The following ALCAM variants were observed in gnomAD, a reference collection of about 807,000 sequenced individuals.
ALCAM encodes the protein activated leukocyte cell adhesion molecule.
ALCAM carries 30 observed loss-of-function variants against 70.9 expected under a neutral mutation model. The observed-to-expected ratio is 0.42, with a 90% CI of 0.32 to 0.57. ALCAM has a LOEUF of 0.57. Among genes scored for constraint, ALCAM ranks in the 20% least tolerant of loss-of-function variants. ALCAM has a pLI of 0.11. For synonymous variants in ALCAM, 249 were observed against 242.5 expected (o/e 1.03, Z -0.25); for missense variants, 591 against 695.1 (o/e 0.85, Z 1.68).
chr3:105,539,162 T>C (rs1027712721), intron 6 of ALCAM, among the ~76,000 whole-genome samples: 1 of 152,122 alleles, frequency 6.6e-6, no homozygotes, highest in South Asian at 2.1e-4. Flanking sequence ...AAATTTATTA[T>C]TCATTGTATT....
At chr3:105,483,147 G>A (rs974555191) in intron 1 of ALCAM, among the ~76,000 whole-genome samples, 2 of 152,072 alleles carry the variant, frequency 1.3e-5, no homozygotes, top group Admixed American at 6.6e-5. Context: ...CCTACTGCTG[G>A]AAGATAGCAG....
At chr3:105,514,024 C>G (rs1205434160) in intron 1 of ALCAM, among the ~76,000 whole-genome samples, 1 of 151,884 alleles carries the variant, frequency 6.6e-6, no homozygotes, top group Non-Finnish European at 1.5e-5. Flanking sequence ...CTATAGAAAC[C>G]TCAATTCAGT....
intron 1 of ALCAM, among the ~76,000 whole-genome samples, chr3:105,432,649 T>G (rs1181378021): frequency 6.6e-6 from 1 of 152,120 alleles, no homozygotes; most frequent in East Asian, 1.9e-4. Context: ...TTACATAAAA[T>G]GTCAAACTTA....
intron 1 of ALCAM, among the ~76,000 whole-genome samples, chr3:105,518,201 A>G (rs1939432190): frequency 6.6e-6 from 1 of 152,142 alleles, no homozygotes; most frequent in Non-Finnish European, 1.5e-5. Context: ...GCCAATCATG[A>G]AAACACTGTT....
chr3:105,406,115 T>C (rs1358242463), intron 1 of ALCAM, among the ~76,000 whole-genome samples: 2 of 152,192 alleles, frequency 1.3e-5, no homozygotes, highest in Admixed American at 1.3e-4. Flanking sequence ...TTTTAATCTG[T>C]AACTAAGGTC....
At chr3:105,369,366 C>T (rs984670636) in intron 1 of ALCAM, among the ~76,000 whole-genome samples, 6 of 152,178 alleles carry the variant, frequency 3.9e-5, no homozygotes, top group Admixed American at 3.3e-4. Flanking sequence ...CAGGGGGCAC[C>T]GAGCTGCGCG....
At chr3:105,516,623 C>G (rs899510496) in intron 1 of ALCAM, among the ~76,000 whole-genome samples, 1 of 152,034 alleles carries the variant, frequency 6.6e-6, no homozygotes, top group Non-Finnish European at 1.5e-5. Flanking sequence ...AAGTATGACA[C>G]ATTTTATATC....
chr3:105,482,473 A>G (rs141030377), intron 1 of ALCAM, among the ~76,000 whole-genome samples: 3 of 152,238 alleles, frequency 2.0e-5, no homozygotes, highest in African/African-American at 7.2e-5. Context: ...TTGTTTCCAG[A>G]GAATATATTA....
At chr3:105,480,138 T>C (rs1938229543) in intron 1 of ALCAM, among the ~76,000 whole-genome samples, 1 of 152,078 alleles carries the variant, frequency 6.6e-6, no homozygotes, top group Non-Finnish European at 1.5e-5. Context: ...TTACCTGAGG[T>C]CTGGAGTTTG....
At chr3:105,455,357 G>T (rs918631589) in intron 1 of ALCAM, among the ~76,000 whole-genome samples, 2 of 151,272 alleles carry the variant, frequency 1.3e-5, no homozygotes, top group Admixed American at 6.6e-5. Context: ...CAGGAGAATG[G>T]TGTGAACCCG....
chr3:105,522,847 A>G (rs1939581085), intron 2 of ALCAM, among the ~76,000 whole-genome samples: 2 of 152,206 alleles, frequency 1.3e-5, no homozygotes, highest in African/African-American at 2.4e-5. Flanking sequence ...CTGCATAGAA[A>G]GCCCAAAGAA....
intron 1 of ALCAM, among the ~76,000 whole-genome samples, chr3:105,470,852 T>C (rs1190893562): frequency 1.3e-5 from 2 of 151,272 alleles, no homozygotes; most frequent in African/African-American, 4.8e-5. Flanking sequence ...TTCAAAAGAT[T>C]TTTAATAAGG....
rs999223777 is a variant in ALCAM, at chr3:105,576,847, G to A, written c.*2396G>A. ...GATTATAGGAATTGTTTGTGGAAAT[G>A]GATTAACATACCCGTCTATGCCTAA... On this transcript the variant is annotated 3_prime_UTR_variant, in exon 16 of 16. Transcript: ENST00000306107. 1.3e-5 allele frequency: 2 copies of A among 152,110 alleles called. No homozygotes were observed. The highest frequency in any genetic ancestry group is 4.8e-5 in the African/African-American group (2 of 41,430). The allele number at this position is 152,110 out of a possible 1,614,324, so 9.4% of individuals were successfully genotyped here.
intron 1 of ALCAM, among the ~76,000 whole-genome samples, chr3:105,402,654 A>G (rs1936117367): frequency 6.6e-6 from 1 of 152,092 alleles, no homozygotes; most frequent in African/African-American, 2.4e-5. Flanking sequence ...GACTCAGCAG[A>G]GGCAGCCATA....
chr3:105,498,681 G>C (rs185906165), intron 1 of ALCAM, among the ~76,000 whole-genome samples: 1 of 152,084 alleles, frequency 6.6e-6, no homozygotes, highest in African/African-American at 2.4e-5. Context: ...ATCCAAGAGA[G>C]GCAAATGGCT....
chr3:105,451,819 T>C (rs1393126898), intron 1 of ALCAM, among the ~76,000 whole-genome samples: 1 of 152,172 alleles, frequency 6.6e-6, no homozygotes, highest in African/African-American at 2.4e-5. Context: ...GCAAGGATAA[T>C]TGAGATTTGA....
At chr3:105,420,012 C>CT (rs1339683318) in intron 1 of ALCAM, among the ~76,000 whole-genome samples, 1 of 151,600 alleles carries the variant, frequency 6.6e-6, no homozygotes, top group Non-Finnish European at 1.5e-5. Context: ...GAGATAAAGA[C>CT]TTTTTATATA....
chr3:105,457,868 T>C (rs1022737862), intron 1 of ALCAM, among the ~76,000 whole-genome samples: 4 of 152,094 alleles, frequency 2.6e-5, no homozygotes, highest in African/African-American at 9.7e-5. Context: ...CTTCCACCAC[T>C]CTCCACCTGG....
intron 7 of ALCAM, among the ~76,000 whole-genome samples, chr3:105,540,703 A>C (rs1940095070): frequency 6.6e-6 from 1 of 152,036 alleles, no homozygotes; most frequent in Admixed American, 6.6e-5. Context: ...GCTCGCTCTG[A>C]GGATGCCTGT....
Sources: gnomAD v4.1 joint callset for allele counts (sites outside exome capture counted in the v4.1 genomes callset) on GRCh38, gnomAD v4.1.1 for gene constraint, MANE v1.5 for transcripts, NCBI Gene and HGNC (gene_info 2026-07-23, HGNC 2026-07-21) for gene names.